The following CTIF variants were observed in gnomAD, a reference collection of about 807,000 sequenced individuals.
CTIF encodes the protein cap binding complex dependent translation initiation factor.
Under a neutral mutation model 66.0 loss-of-function variants are expected in CTIF, and 21 were observed. That is an observed-to-expected ratio of 0.32 (90% CI 0.23 to 0.46). The LOEUF (loss-of-function observed/expected upper bound fraction) is 0.46, where lower values mean the gene tolerates loss of function less well. CTIF is among the 20% of genes least tolerant of loss of function. The pLI is 1.00. For synonymous variants in CTIF, 345 were observed against 326.4 expected, an observed-to-expected ratio of 1.06 and a Z score of -0.62; for missense variants, 739 against 812.7, an observed-to-expected ratio of 0.91 and a Z score of 1.10.
At chr18:48,818,667 G>A (rs912529526) in intron 10 of CTIF, among the ~76,000 whole-genome samples, 2 of 151,994 alleles carry the variant, frequency 1.3e-5, no homozygotes, top group African/African-American at 2.4e-5. Context: ...GGGAGAGGAA[G>A]GGGGCGTGTA....
intron 6 of CTIF, among the ~76,000 whole-genome samples, chr18:48,690,265 C>T (rs1475329025): frequency 3.3e-5 from 5 of 152,162 alleles, no homozygotes; most frequent in African/African-American, 4.8e-5. Context: ...CTAACTCCTC[C>T]GCTAGTCCTC....
chr18:48,701,973 AAAAG>A (rs1415113469), intron 6 of CTIF, among the ~76,000 whole-genome samples: 5 of 152,196 alleles, frequency 3.3e-5, no homozygotes, highest in African/African-American at 1.2e-4. Context: ...TTTAAACGTA[AAAAG>A]AATTTGTTGG....
chr18:48,539,684 C>A (rs1405676224), intron 1 of CTIF: 1 of 152,634 alleles, frequency 6.6e-6, no homozygotes, highest in Non-Finnish European at 1.5e-5. Context: ...GCGGTGTAGC[C>A]GCTGTCATGT....
intron 2 of CTIF, among the ~76,000 whole-genome samples, chr18:48,632,792 C>G (rs1455538399): frequency 6.6e-6 from 1 of 152,064 alleles, no homozygotes; most frequent in Non-Finnish European, 1.5e-5. Flanking sequence ...CCGTGCCGTC[C>G]CCACCCCCCT....
chr18:48,766,941 C>T (rs1909625551), intron 9 of CTIF, among the ~76,000 whole-genome samples: 1 of 152,238 alleles, frequency 6.6e-6, no homozygotes, highest in African/African-American at 2.4e-5. Context: ...TTTTCCTTGG[C>T]CTGGGATGTG....
At chr18:48,631,325 G>A (rs181853415) in intron 2 of CTIF, among the ~76,000 whole-genome samples, 369 of 152,312 alleles carry the variant, frequency 2.4e-3, no homozygotes, top group Non-Finnish European at 4.2e-3. Context: ...AATTAACCGG[G>A]TGTGGTGGAG....
intron 2 of CTIF, among the ~76,000 whole-genome samples, chr18:48,635,515 C>T (rs1358356168): frequency 6.6e-6 from 1 of 151,850 alleles, no homozygotes; most frequent in Admixed American, 6.6e-5. Context: ...TTAGTAGGGA[C>T]AAGGTGTCTC....
At chr18:48,817,733 A>C (rs2068397950) in intron 10 of CTIF, among the ~76,000 whole-genome samples, 1 of 151,532 alleles carries the variant, frequency 6.6e-6, no homozygotes, top group Non-Finnish European at 1.5e-5. Flanking sequence ...CCGAGATCGC[A>C]CACTGCACTC....
intron 2 of CTIF, among the ~76,000 whole-genome samples, chr18:48,626,659 T>TTTTG (rs1568084445): frequency 1.4e-5 from 2 of 146,092 alleles, no homozygotes; most frequent in Non-Finnish European, 3.0e-5. Context: ...TTTTTTTGTT[T>TTTTG]TTTTTTTTTT....
At chr18:48,616,809 C>T (rs532928872) in intron 1 of CTIF, among the ~76,000 whole-genome samples, 91 of 152,272 alleles carry the variant, frequency 6.0e-4, no homozygotes, top group Non-Finnish European at 7.9e-4. Context: ...AATGCTCTGG[C>T]CTTCTGTGCA....
At chr18:48,597,269 G>T (rs1264955560) in intron 1 of CTIF, among the ~76,000 whole-genome samples, 6 of 152,198 alleles carry the variant, frequency 3.9e-5, no homozygotes, top group African/African-American at 1.4e-4. Flanking sequence ...GCGGGAGACA[G>T]ACCTGTGACT....
At chr18:48,549,963 ATTG>A (rs1210586724) in intron 1 of CTIF, among the ~76,000 whole-genome samples, 15 of 152,154 alleles carry the variant, frequency 9.9e-5, no homozygotes, top group African/African-American at 3.6e-4. Flanking sequence ...ATATCTCAAT[ATTG>A]TTGAGGTTTT....
At position 48,860,197 on chromosome 18, in the gene CTIF, G is replaced by T; in HGVS notation, c.*638G>T. 2.9e-6 allele frequency: 1 copy of T among 340,508 alleles called. No homozygotes were observed. The highest frequency in any genetic ancestry group is 2.3e-5 in the South Asian group (1 of 43,944). The allele number at this position is 340,508 out of a possible 1,614,324, so 21.1% of individuals were successfully genotyped here. A position where few individuals can be genotyped will look rare whatever the true frequency, so the allele number is the denominator to read the frequency against. ...AGCCCCCACAGCCTCAGGCCTAGGG[G>T]GTCAGGCGCAGCGGGGGAGATGGAG... On this transcript the variant is annotated 3_prime_UTR_variant, in exon 12 of 12. Transcript: ENST00000256413.
chr18:48,808,945 A>T (rs1313435535), intron 9 of CTIF, among the ~76,000 whole-genome samples: 1 of 152,216 alleles, frequency 6.6e-6, no homozygotes, highest in Non-Finnish European at 1.5e-5. Context: ...TATGGAGTAC[A>T]GATTGATATT....
At chr18:48,766,441 T>C (rs1909547743) in intron 9 of CTIF, among the ~76,000 whole-genome samples, 1 of 152,090 alleles carries the variant, frequency 6.6e-6, no homozygotes, top group Non-Finnish European at 1.5e-5. Context: ...CCTGGGAATA[T>C]TGCATTTCAG....
At chr18:48,811,557 C>G (rs1419264285) in intron 9 of CTIF, among the ~76,000 whole-genome samples, 2 of 152,176 alleles carry the variant, frequency 1.3e-5, no homozygotes, top group African/African-American at 2.4e-5. Context: ...CTATTAACCC[C>G]CCATGTCCCC....
intron 9 of CTIF, among the ~76,000 whole-genome samples, chr18:48,815,602 C>T (rs2068346438): frequency 6.6e-6 from 1 of 152,228 alleles, no homozygotes; most frequent in African/African-American, 2.4e-5. Flanking sequence ...GTGGCCTAGG[C>T]TCATCCAAAG....
chr18:48,685,385 G>A (rs28760111), intron 6 of CTIF, among the ~76,000 whole-genome samples: 11,152 of 152,002 alleles, frequency 0.073, 481 homozygotes, highest in African/African-American at 0.12. Flanking sequence ...ACCACGCCCG[G>A]CTAATTTTTC....
chr18:48,770,789 C>T (rs905548701), intron 9 of CTIF, among the ~76,000 whole-genome samples: 2 of 152,212 alleles, frequency 1.3e-5, no homozygotes, highest in Middle Eastern at 3.2e-3. Flanking sequence ...CCCACGTTTC[C>T]GTCCTGCAAG....
Sources: allele counts gnomAD v4.1 joint callset (sites outside exome capture counted in the v4.1 genomes callset), GRCh38; gene constraint gnomAD v4.1.1; transcripts MANE v1.5; gene names NCBI Gene and HGNC (gene_info 2026-07-23, HGNC 2026-07-21).